Variants in PDE4D observed in about 807,000 individuals in gnomAD.
PDE4D encodes the protein 3',5'-cyclic-AMP phosphodiesterase 4D.
Under a neutral mutation model 87.4 loss-of-function variants are expected in PDE4D, and 24 were observed. That is an observed-to-expected ratio of 0.27 (90% CI 0.20 to 0.39). The LOEUF is 0.39. PDE4D is among the 10% of genes least tolerant of loss of function. The probability of loss-of-function intolerance (pLI) is 1.00; values close to 1 mark genes in which losing one functional copy is unlikely to be tolerated. For synonymous variants in PDE4D, 384 were observed against 383.2 expected (o/e 1.00, Z -0.02); for missense variants, 714 against 1,041.0 (o/e 0.69, Z 4.32).
chr5:59,892,223 G>T (rs926069350), intron 1 of PDE4D, among the ~76,000 whole-genome samples: 2 of 152,150 alleles, frequency 1.3e-5, no homozygotes, highest in African/African-American at 4.8e-5. Flanking sequence ...CCTCAGAATG[G>T]CTGTAATTGG....
chr5:60,257,848 T>C (rs1749254494), intron 1 of PDE4D, among the ~76,000 whole-genome samples: 1 of 151,970 alleles, frequency 6.6e-6, no homozygotes, highest in Non-Finnish European at 1.5e-5. Context: ...TTGATTCTCA[T>C]TATTCTTAAG....
intron 1 of PDE4D, among the ~76,000 whole-genome samples, chr5:59,562,070 C>T (rs573293700): frequency 2.6e-4 from 39 of 152,300 alleles, no homozygotes; most frequent in African/African-American, 8.2e-4. Context: ...TTTTTCTCTA[C>T]TGCATATGTC....
chr5:59,412,526 A>G (rs1475878806), intron 1 of PDE4D, among the ~76,000 whole-genome samples: 1 of 152,184 alleles, frequency 6.6e-6, no homozygotes, highest in African/African-American at 2.4e-5. Flanking sequence ...GCTCCCAACA[A>G]TCTGGCCCAT....
At chr5:59,551,243 T>C (rs1818063628) in intron 1 of PDE4D, among the ~76,000 whole-genome samples, 1 of 150,866 alleles carries the variant, frequency 6.6e-6, no homozygotes, top group Non-Finnish European at 1.5e-5. Flanking sequence ...TTTAGTAATT[T>C]TAACTAAACT....
chr5:60,398,582 C>T (rs545955801), intron 1 of PDE4D, among the ~76,000 whole-genome samples: 1 of 152,194 alleles, frequency 6.6e-6, no homozygotes, highest in South Asian at 2.1e-4. Context: ...ACACTTACTC[C>T]CCAGTGCTAG....
chr5:59,085,059 A>G (rs889811591), intron 5 of PDE4D, among the ~76,000 whole-genome samples: 2 of 152,178 alleles, frequency 1.3e-5, no homozygotes, highest in Admixed American at 6.5e-5. Flanking sequence ...TTCTAATTCT[A>G]GAAATATATA....
At chr5:59,837,462 A>G (rs1333430225) in intron 1 of PDE4D, among the ~76,000 whole-genome samples, 1 of 152,054 alleles carries the variant, frequency 6.6e-6, no homozygotes, top group Admixed American at 6.6e-5. Flanking sequence ...CATCTAGAAT[A>G]TATGCTCCAC....
chr5:59,576,352 C>T (rs1438475343), intron 1 of PDE4D, among the ~76,000 whole-genome samples: 1 of 152,060 alleles, frequency 6.6e-6, no homozygotes, highest in Non-Finnish European at 1.5e-5. Context: ...TTAGTCTATA[C>T]TTGGAATGGA....
chr5:60,361,908 T>C (rs1398070553), intron 1 of PDE4D, among the ~76,000 whole-genome samples: 2 of 152,136 alleles, frequency 1.3e-5, no homozygotes, highest in African/African-American at 4.8e-5. Context: ...ATCCTAAAAC[T>C]TGTAAAAAAA....
chr5:59,300,946 T>C (rs1018362845), intron 1 of PDE4D, among the ~76,000 whole-genome samples: 6 of 152,102 alleles, frequency 3.9e-5, no homozygotes, highest in African/African-American at 1.4e-4. Context: ...GTTTGCTAGT[T>C]TATTATAAAG....
chr5:59,035,971 A>G (rs533818866), intron 6 of PDE4D, among the ~76,000 whole-genome samples: 13 of 152,358 alleles, frequency 8.5e-5, no homozygotes, highest in Admixed American at 2.6e-4. Context: ...CTTGGCCAAG[A>G]ATTCAATAAT....
chr5:59,167,362 C>T (rs1466262776), intron 5 of PDE4D, among the ~76,000 whole-genome samples: 1 of 152,086 alleles, frequency 6.6e-6, no homozygotes, highest in East Asian at 1.9e-4. Context: ...TCTGTAGAAG[C>T]AATATTAGTC....
At chr5:60,110,483 T>G (rs1441844081) in intron 2 of PDE4D, among the ~76,000 whole-genome samples, 1 of 151,994 alleles carries the variant, frequency 6.6e-6, no homozygotes, top group Non-Finnish European at 1.5e-5. Flanking sequence ...GAATGGCCAT[T>G]ATGAAAAAGA....
chr5:60,094,051 T>A (rs1582620234), intron 2 of PDE4D, among the ~76,000 whole-genome samples: 1 of 152,288 alleles, frequency 6.6e-6, no homozygotes, highest in East Asian at 1.9e-4. Flanking sequence ...AAGCACTAAA[T>A]GAGTATTTTA....
intron 1 of PDE4D, among the ~76,000 whole-genome samples, chr5:60,308,155 A>C (rs1754673725): frequency 6.6e-6 from 1 of 152,262 alleles, no homozygotes; most frequent in Non-Finnish European, 1.5e-5. Context: ...GAGCAGCAGT[A>C]TATAGTCTCA....
At chr5:59,057,362 T>C (rs1298219873) in intron 5 of PDE4D, among the ~76,000 whole-genome samples, 1 of 152,234 alleles carries the variant, frequency 6.6e-6, no homozygotes, top group Non-Finnish European at 1.5e-5. Flanking sequence ...TGAATTAACC[T>C]AGCTTGTTTT....
intron 1 of PDE4D, among the ~76,000 whole-genome samples, chr5:60,459,284 A>C (rs1453201394): frequency 6.6e-5 from 10 of 152,180 alleles, no homozygotes; most frequent in Admixed American, 6.5e-4. Context: ...TATCACAATA[A>C]ACATGCCAAA....
rs1469536076 is a variant in PDE4D at position 59,616,928 on chromosome 5, T to TATGTA, written c.455+276239_455+276240insTACAT. Among the ~76,000 whole-genome samples, 7 of 124,094 alleles carry TATGTA rather than the reference T, an allele frequency of 5.6e-5. 1 individual carries two copies. 81.4% of individuals were successfully genotyped at this position (124,094 alleles called of 152,430 possible). A position where few individuals can be genotyped will look rare whatever the true frequency, so the allele number is the denominator to read the frequency against. On this transcript the variant is annotated intron_variant, in intron 1 of 14. Transcript: ENST00000340635. ...TAGACCTAATAATTACATATATATA[T>TATGTA]ATATATATATATATATATCTCCAAG...
chr5:59,295,435 G>A (rs1015264296), intron 1 of PDE4D, among the ~76,000 whole-genome samples: 1 of 152,074 alleles, frequency 6.6e-6, no homozygotes, highest in African/African-American at 2.4e-5. Flanking sequence ...GTCTTGACAG[G>A]CTTTTGTTTT....
Sources: allele counts gnomAD v4.1 joint callset (sites outside exome capture counted in the v4.1 genomes callset), GRCh38; gene constraint gnomAD v4.1.1; transcripts MANE v1.5; gene names NCBI Gene and HGNC (gene_info 2026-07-23, HGNC 2026-07-21).